The following TSPEAR variants were observed in gnomAD, a reference collection of about 807,000 sequenced individuals.
TSPEAR encodes thrombospondin-type laminin G domain and EAR repeat-containing protein.
A neutral mutation model predicts 71.6 loss-of-function variants in TSPEAR; 69 were observed. That is an observed-to-expected ratio of 0.96 (90% CI 0.79 to 1.18). The LOEUF (loss-of-function observed/expected upper bound fraction) is 1.18, where lower values mean the gene tolerates loss of function less well. TSPEAR is among the 50% of genes most tolerant of loss of function. TSPEAR has a pLI of 0.00. For synonymous variants in TSPEAR, 402 were observed against 387.2 expected (o/e 1.04, Z -0.45); for missense variants, 971 against 894.9 (o/e 1.09, Z -1.09).
chr21:44,654,291 G>A, intron 1 of TSPEAR: 1 of 1,613,772 alleles, frequency 6.2e-7, no homozygotes, highest in Non-Finnish European at 8.5e-7. Flanking sequence ...AGCCAGTGGG[G>A]GTGCTCCAGG....
intron 1 of TSPEAR, chr21:44,579,656 A>T (rs1978740543): frequency 7.0e-7 from 1 of 1,420,960 alleles, no homozygotes; most frequent in Admixed American, 2.1e-5. Flanking sequence ...ACCTCAGCAC[A>T]TGGGGGCCCC....
chr21:44,567,727 G>A (rs1420790484), intron 2 of TSPEAR, 58 bp downstream of exon 2: 48 of 1,453,398 alleles, frequency 3.3e-5, no homozygotes, highest in Non-Finnish European at 4.4e-5. Context: ...TTGGTACTGG[G>A]AACCTCACAA....
At chr21:44,681,930 T>C in intron 1 of TSPEAR, 1 of 1,613,968 alleles carries the variant, frequency 6.2e-7, no homozygotes, top group Non-Finnish European at 8.5e-7. Context: ...GGGAGCCGCA[T>C]ACACGACGGG....
chr21:44,652,276 C>T (rs1984853497), intron 1 of TSPEAR, among the ~76,000 whole-genome samples: 2 of 152,220 alleles, frequency 1.3e-5, no homozygotes, highest in South Asian at 4.1e-4. Flanking sequence ...AGCCACCGCA[C>T]CGGGCCCCAT....
intron 11 of TSPEAR, among the ~76,000 whole-genome samples, chr21:44,503,126 G>C (rs587724306): frequency 9.0e-4 from 132 of 146,540 alleles, no homozygotes; most frequent in African/African-American, 3.2e-3. Context: ...TGAGTCCTCG[G>C]GGGGAAGCAA....
At chr21:44,543,953 T>A (rs1322130176) in intron 2 of TSPEAR, among the ~76,000 whole-genome samples, 6 of 152,170 alleles carry the variant, frequency 3.9e-5, no homozygotes, top group Admixed American at 3.3e-4. Context: ...CCAAAAGCAG[T>A]AAAGCAAGGA....
chr21:44,677,407 C>T (rs1986368441), intron 1 of TSPEAR: 2 of 1,086,082 alleles, frequency 1.8e-6, no homozygotes, highest in East Asian at 4.7e-5. Flanking sequence ...TTCTGAGCTG[C>T]AATCGCCTGC....
At chr21:44,697,471 C>T (rs1987414630) in intron 1 of TSPEAR, 2 of 1,614,004 alleles carry the variant, frequency 1.2e-6, no homozygotes, top group African/African-American at 2.7e-5. Flanking sequence ...AGTCTAGCTG[C>T]CAGCCGGCTT....
At position 44,684,911 on chromosome 21, in the gene TSPEAR, A is replaced by G. The variant is rs1332647407; in HGVS notation, c.82+26522T>C. ...ACATGTGATCACTGTGGCTGCCCCA[A>G]TTCTCTTGGTTTTTAAGTGTGATTC... On this transcript the variant is annotated intron_variant, in intron 1 of 11. Coordinates refer to ENST00000323084, the MANE Select transcript of TSPEAR (RefSeq NM_144991.3). Among the ~76,000 whole-genome samples the G allele has an allele frequency of 5.9e-5, 9 of 152,312 alleles. No individual in the cohort carries two copies. The East Asian group carries it at 1.2e-3, about 20-fold the overall frequency.
chr21:44,676,232 C>G, intron 1 of TSPEAR: 1 of 1,327,146 alleles, frequency 7.5e-7, no homozygotes, highest in Non-Finnish European at 1.1e-6. Flanking sequence ...TTTTGAACAG[C>G]ATAAAAGCGG....
At chr21:44,516,944 C>T (rs587743873) in intron 9 of TSPEAR, among the ~76,000 whole-genome samples, 17 of 152,312 alleles carry the variant, frequency 1.1e-4, no homozygotes, top group Middle Eastern at 3.4e-3. Flanking sequence ...ATCTTCCCAT[C>T]GCAGGAGCCC....
intron 1 of TSPEAR, among the ~76,000 whole-genome samples, chr21:44,584,656 G>T (rs942616877): frequency 6.6e-6 from 1 of 152,024 alleles, no homozygotes; most frequent in East Asian, 1.9e-4. Flanking sequence ...TGGCATCAGG[G>T]TCTCACCAGT....
chr21:44,561,897 A>C (rs1405609270), intron 2 of TSPEAR, among the ~76,000 whole-genome samples: 1 of 152,246 alleles, frequency 6.6e-6, no homozygotes, highest in Non-Finnish European at 1.5e-5. Context: ...AAAAGCTGAA[A>C]GCATTCCCTT....
chr21:44,539,961 G>C, intron 2 of TSPEAR: 1 of 1,613,250 alleles, frequency 6.2e-7, no homozygotes, highest in African/African-American at 1.3e-5. Context: ...CAGGGGCTGG[G>C]CTCACAGGCT....
In TSPEAR at chr21:44,522,442, G is replaced by T. The variant is rs143590757; in HGVS notation, c.1337-330C>A. Among the ~76,000 whole-genome samples, 1,037 of 152,288 alleles carry T rather than the reference G, an allele frequency of 6.8e-3. 12 individuals carry two copies. Among genetic ancestry groups the T allele is most frequent in the African/African-American group, 0.024 (999 of 41,556 alleles). ...TGGCCCCGCTGCCCACGGCTCTCCA[G>T]CATCCCCACAGGCCAGGCCTTCCCA... is the stretch of plus-strand genomic sequence containing the variant. On this transcript the variant is annotated intron_variant, in intron 8 of 11. Coordinates refer to ENST00000323084, the MANE Select transcript of TSPEAR (RefSeq NM_144991.3).
At chr21:44,528,133 C>T (rs2052894486) in intron 6 of TSPEAR, among the ~76,000 whole-genome samples, 1 of 152,122 alleles carries the variant, frequency 6.6e-6, no homozygotes, top group South Asian at 2.1e-4. Context: ...TGTGTCATGC[C>T]CTGGAGGTTC....
At position 44,699,231 on chromosome 21, in the gene TSPEAR, A is replaced by G. The variant is rs781793816; in HGVS notation, c.82+12202T>C. 2.0e-5 allele frequency among the ~76,000 whole-genome samples: 3 copies of G among 151,882 alleles called. No homozygotes were observed. In the South Asian group the frequency reaches 6.3e-4, roughly 32 times the overall value. On this transcript the variant is annotated intron_variant, in intron 1 of 11. Transcript: ENST00000323084. Reference sequence around the variant, plus strand: ...ATTAATTAATTAAAGTAAAAAATACATAGCTGGGCATGGTGGCACGAACCT... The same window carrying G: ...ATTAATTAATTAAAGTAAAAAATACGTAGCTGGGCATGGTGGCACGAACCT...
intron 1 of TSPEAR, among the ~76,000 whole-genome samples, chr21:44,703,731 C>T (rs553411627): frequency 4.6e-5 from 7 of 152,190 alleles, no homozygotes; most frequent in Non-Finnish European, 7.4e-5. Flanking sequence ...CTAGGGATCC[C>T]ACACAATGGG....
intron 10 of TSPEAR, among the ~76,000 whole-genome samples, chr21:44,507,430 G>A (rs1555912051): frequency 2.6e-5 from 4 of 152,242 alleles, no homozygotes; most frequent in Admixed American, 1.3e-4. Context: ...TCACGTCTCC[G>A]GGAAGTGTAG....
Sources: allele counts gnomAD v4.1 joint callset (sites outside exome capture counted in the v4.1 genomes callset), GRCh38; gene constraint gnomAD v4.1.1; transcripts MANE v1.5; gene names NCBI Gene and HGNC (gene_info 2026-07-23, HGNC 2026-07-21).